Variants in CPSF2 observed in about 807,000 individuals in gnomAD.
CPSF2 encodes the protein cleavage and polyadenylation specificity factor subunit 2.
Under a neutral mutation model 84.2 loss-of-function variants are expected in CPSF2, and 51 were observed. The ratio of observed to expected loss-of-function variants is 0.61; its 90% CI spans 0.48 to 0.77. The LOEUF is 0.77. Among genes scored for constraint, CPSF2 ranks in the 30% least tolerant of loss-of-function variants. CPSF2 has a pLI of 0.00. For missense variants in CPSF2, 641 were observed against 929.4 expected (o/e 0.69, Z 4.03); for synonymous variants, 286 against 311.9 (o/e 0.92, Z 0.87).
chr14:92,135,562 ATAAG>A (rs2068987870), intron 6 of CPSF2, 66 bp downstream of exon 6: 4 of 1,470,962 alleles, frequency 2.7e-6, no homozygotes, highest in South Asian at 1.4e-5. Context: ...TGGAGAAAAA[ATAAG>A]AAACACAGTT....
rs781282441 is a variant in CPSF2 at position 92,143,327 on chromosome 14, CTGTT to C, written c.1140+36_1140+39del. Reference sequence around the variant, plus strand: ...CTTGTATGTGAACTTTATCTTAAAACTGTTTGGGGGATACATTGTGCATGATGTA... The same window carrying C: ...CTTGTATGTGAACTTTATCTTAAAACTGGGGGATACATTGTGCATGATGTA... On this transcript the variant is annotated intron_variant, in intron 9 of 15. Transcript: ENST00000298875. The C allele has an allele frequency of 5.1e-6, 7 of 1,360,354 alleles. No individual in the cohort carries two copies. In the African/African-American group the frequency reaches 1.0e-4, roughly 20 times the overall value. 84.3% of individuals were successfully genotyped at this position (1,360,354 alleles called of 1,614,324 possible). A position where few individuals can be genotyped will look rare whatever the true frequency, so the allele number is the denominator to read the frequency against.
chr14:92,132,291 G>T (rs56014528), intron 3 of CPSF2, among the ~76,000 whole-genome samples: 30,210 of 151,072 alleles, frequency 0.2, 3,372 homozygotes, highest in East Asian at 0.53. Flanking sequence ...TGCACCACCC[G>T]GCCGGCTAAG....
chr14:92,156,732 C>A, intron 12 of CPSF2, 101 bp downstream of exon 12: 2 of 789,964 alleles, frequency 2.5e-6, no homozygotes, highest in East Asian at 2.9e-5. Flanking sequence ...TCTGAATATT[C>A]TTTAGTAAGT....
At chr14:92,136,848 A>G (rs2069006642) in intron 6 of CPSF2, among the ~76,000 whole-genome samples, 1 of 152,228 alleles carries the variant, frequency 6.6e-6, no homozygotes, top group Non-Finnish European at 1.5e-5. Context: ...TTTTAATTAT[A>G]TAACAAAAGA....
At chr14:92,149,475 G>C (rs2069184262) in intron 9 of CPSF2, among the ~76,000 whole-genome samples, 1 of 152,032 alleles carries the variant, frequency 6.6e-6, no homozygotes, top group Non-Finnish European at 1.5e-5. Context: ...TGAGGGGCCA[G>C]ACATACTGGC....
In CPSF2 at chr14:92,161,312, C is replaced by A. The variant is rs143727888; in HGVS notation, c.2256+66C>A. 2,325 of 1,511,054 alleles carry A rather than the reference C, an allele frequency of 1.5e-3. 4 individuals are homozygous for A. The highest frequency in any genetic ancestry group is 5.3e-3 in the African/African-American group (374 of 69,944). 93.6% of individuals were successfully genotyped at this position (1,511,054 alleles called of 1,614,324 possible). On this transcript the variant is annotated intron_variant, in intron 15 of 15. Transcript: ENST00000298875. ...TCTGATGTTTTGTCATTTTGAAATT[C>A]TGTAATTCTTGTTTGGTATTTTCAC...
chr14:92,154,536 G>A, intron 10 of CPSF2, 78 bp downstream of exon 10: 2 of 1,030,062 alleles, frequency 1.9e-6, no homozygotes, highest in Non-Finnish European at 2.8e-6. Context: ...ATGTTTCATT[G>A]AAAATATTTT....
chr14:92,163,679 G>C lies in CPSF2; in HGVS notation c.*1935G>C, dbSNP rs747993587. The C allele has an allele frequency of 2.0e-5, 3 of 152,394 alleles. No homozygotes were observed. Among genetic ancestry groups the C allele is most frequent in the Non-Finnish European group, 4.4e-5 (3 of 68,008 alleles). The allele number at this position is 152,394 out of a possible 1,614,324, so 9.4% of individuals were successfully genotyped here. On this transcript the variant is annotated 3_prime_UTR_variant, in exon 16 of 16. Transcript: ENST00000298875. ...TCATGGTGGTGGTTACCCTCATGCT[G>C]TTCTTGTGATGGTGAGTTCTCATGA...
chr14:92,152,042 C>G (rs2069226154), intron 9 of CPSF2, among the ~76,000 whole-genome samples: 1 of 150,478 alleles, frequency 6.6e-6, no homozygotes, highest in Non-Finnish European at 1.5e-5. Context: ...GTTCTTCCCA[C>G]TATCTTTTTT....
intron 9 of CPSF2, among the ~76,000 whole-genome samples, chr14:92,143,502 A>C (rs1403651501): frequency 6.6e-6 from 1 of 152,012 alleles, no homozygotes; most frequent in Non-Finnish European, 1.5e-5. Flanking sequence ...CAGGAATTTG[A>C]GGTCAGCCTG....
intron 9 of CPSF2, among the ~76,000 whole-genome samples, chr14:92,150,648 A>T (rs2069203473): frequency 6.6e-6 from 1 of 152,032 alleles, no homozygotes; most frequent in Admixed American, 6.6e-5. Flanking sequence ...TATGGTCTCG[A>T]ACTGGCCTCA....
chr14:92,123,794 T>G (rs1261007006), intron 1 of CPSF2, among the ~76,000 whole-genome samples: 5 of 152,260 alleles, frequency 3.3e-5, no homozygotes, highest in African/African-American at 4.8e-5. Flanking sequence ...ATTTATGATA[T>G]GATGAGGCTT....
chr14:92,156,571 A>G lies in CPSF2; in HGVS notation c.1535A>G (p.Asp512Gly). 6.2e-7 allele frequency: 1 copy of G among 1,611,242 alleles called. No homozygotes were observed. The highest frequency in any genetic ancestry group is 1.1e-5 in the South Asian group (1 of 90,902). Residue 512 changes from aspartate (D) to glycine (G), a missense_variant, in exon 12 of 16, where the codon GAT (aspartate) becomes GGT (glycine). Transcript: ENST00000298875. ...SGLTNGDEPM[D>G]QDLSDVPTKC... ...TTGACAAATGGAGATGAACCTATGG[A>G]TCAGGATTTATCTGATGTTCCTACT...
Position 92,168,457 on chromosome 14 carries a change from GCTTTTCC to G in CPSF2, c.*6721_*6727del, listed in dbSNP as rs2069479379. On this transcript the variant is annotated 3_prime_UTR_variant, in exon 16 of 16. Coordinates refer to ENST00000298875, the MANE Select transcript of CPSF2 (RefSeq NM_017437.3). ...TGCTGGAAGTGAGGGTATCTTCTTG[GCTTTTCC>G]CTTTTCCTCCCCACCACTATACGCA... 6.6e-6 allele frequency: 1 copy of G among 152,020 alleles called. No homozygotes were observed. The highest frequency in any genetic ancestry group is 2.1e-4 in the South Asian group (1 of 4,832). The allele number at this position is 152,020 out of a possible 1,614,324, so 9.4% of individuals were successfully genotyped here. A position where few individuals can be genotyped will look rare whatever the true frequency, so the allele number is the denominator to read the frequency against.
At chr14:92,153,703 C>CTTTTT (rs35788212) in intron 9 of CPSF2, among the ~76,000 whole-genome samples, 1 of 131,308 alleles carries the variant, frequency 7.6e-6, no homozygotes, top group African/African-American at 2.9e-5. Flanking sequence ...CCACTACTGG[C>CTTTTT]TTTTTTTTTT....
chr14:92,126,126 A>C lies in CPSF2; in HGVS notation c.-89A>C, dbSNP rs2068842866. On this transcript the variant is annotated 5_prime_UTR_variant, in exon 2 of 16. Coordinates refer to ENST00000298875, the MANE Select transcript of CPSF2 (RefSeq NM_017437.3). Reference sequence around the variant, plus strand: ...AGGCTTTTATTTATTTTTTAGATTAATAAAGAACTCTTCAGAATTCCTGGT... The same window carrying C: ...AGGCTTTTATTTATTTTTTAGATTACTAAAGAACTCTTCAGAATTCCTGGT... The C allele has an allele frequency of 2.6e-5, 4 of 152,228 alleles. No individual in the cohort carries two copies. The South Asian group carries it at 8.3e-4, about 31-fold the overall frequency. 9.4% of individuals were successfully genotyped at this position (152,228 alleles called of 1,614,324 possible).
In CPSF2 at chr14:92,171,164, T is replaced by C. The variant is rs924018882; in HGVS notation, c.*9420T>C. The C allele has an allele frequency of 1.3e-5, 2 of 152,306 alleles. No homozygotes were observed. The highest frequency in any genetic ancestry group is 3.9e-4 in the East Asian group (2 of 5,174). 9.4% of individuals were successfully genotyped at this position (152,306 alleles called of 1,614,324 possible). On this transcript the variant is annotated 3_prime_UTR_variant, in exon 16 of 16. Transcript: ENST00000298875. ...TCTTTTGAGACAGTGTCTTGCTCTG[T>C]TGCCCAGGCTACAGTGCAGTGATGA... is the stretch of plus-strand genomic sequence containing the variant.
chr14:92,159,328 C>A, intron 14 of CPSF2, 46 bp downstream of exon 14: 1 of 1,476,644 alleles, frequency 6.8e-7, no homozygotes, highest in Non-Finnish European at 9.2e-7. Context: ...AATTTGTCAT[C>A]CTTCTAGTTT....
intron 15 of CPSF2, 102 bp downstream of exon 15, chr14:92,161,348 A>T: frequency 1.3e-5 from 17 of 1,353,504 alleles, no homozygotes; most frequent in Non-Finnish European, 1.7e-5. Flanking sequence ...AAAACTGAAG[A>T]TCAGTAATTT....
Sources: allele counts gnomAD v4.1 joint callset (sites outside exome capture counted in the v4.1 genomes callset), GRCh38; gene constraint gnomAD v4.1.1; transcripts MANE v1.5; gene names NCBI Gene and HGNC (gene_info 2026-07-23, HGNC 2026-07-21).